RUBCN: variants seen among roughly 807,000 people sequenced by gnomAD.
RUBCN encodes the protein run domain Beclin-1-interacting and cysteine-rich domain-containing protein.
RUBCN carries 74 observed loss-of-function variants against 113.2 expected under a neutral mutation model. The observed-to-expected ratio is 0.65, with a 90% confidence interval of 0.54 to 0.79. The LOEUF (loss-of-function observed/expected upper bound fraction) is 0.79. RUBCN is among the 30% of genes least tolerant of loss of function. The pLI is 0.00. For missense variants in RUBCN, 1,109 were observed against 1,251.7 expected (o/e 0.89, Z 1.72); for synonymous variants, 480 against 490.0 (o/e 0.98, Z 0.27).
intron 2 of RUBCN, among the ~76,000 whole-genome samples, chr3:197,714,978 G>A (rs1343308081): frequency 6.6e-6 from 1 of 152,128 alleles, no homozygotes; most frequent in Non-Finnish European, 1.5e-5. Flanking sequence ...TGATTATAGA[G>A]TTTTTGAGGA....
intron 2 of RUBCN, among the ~76,000 whole-genome samples, chr3:197,707,426 G>GA (rs142893067): frequency 1.3e-5 from 2 of 151,492 alleles, no homozygotes; most frequent in East Asian, 1.9e-4. Context: ...TTTTGTTTGG[G>GA]AAAAAAAATG....
chr3:197,730,669 T>C (rs1222345284), intron 1 of RUBCN, among the ~76,000 whole-genome samples: 5 of 151,468 alleles, frequency 3.3e-5, no homozygotes, highest in African/African-American at 1.2e-4. Flanking sequence ...ACACCATTTA[T>C]TGATGATCAA....
chr3:197,701,018 C>T lies in RUBCN; in HGVS notation c.856G>A (p.Asp286Asn), dbSNP rs1723592898. ...ATTTCATTTGGGGTCAAAGGGGAAT[C>T]CCTGGCTAGTGCAGAGACTGAAACT... ...PPVSVSALAR[D>N]SPLTPNEMSS... The change falls in exon 7 of 20, where the codon GAT (aspartate) becomes AAT (asparagine). Residue 286 changes from aspartate to asparagine, a missense_variant. Physicochemically the swap from Asp to Asn is conservative, Grantham distance 23. This residue lies in a region of RUBCN where 736 missense variants were observed against 779.6 expected (regional missense o/e 0.94). Transcript: ENST00000296343. 6.2e-7 allele frequency: 1 copy of T among 1,614,060 alleles called. No individual in the cohort carries two copies. Among genetic ancestry groups the T allele is most frequent in the African/African-American group, 1.3e-5 (1 of 74,920 alleles).
chr3:197,725,933 C>A (rs1469688680), intron 1 of RUBCN, among the ~76,000 whole-genome samples: 1 of 152,158 alleles, frequency 6.6e-6, no homozygotes, highest in Non-Finnish European at 1.5e-5. Context: ...GACCTCATCA[C>A]ACACTATTAC....
At chr3:197,734,730 A>G (rs760123893) in intron 1 of RUBCN, among the ~76,000 whole-genome samples, 8 of 152,148 alleles carry the variant, frequency 5.3e-5, no homozygotes, top group Non-Finnish European at 8.8e-5. Flanking sequence ...CAATCCTAAA[A>G]CGTGTTTAGA....
chr3:197,701,275 A>G, intron 6 of RUBCN, 129 bp from the exon 7 acceptor site: 1 of 800,784 alleles, frequency 1.2e-6, no homozygotes, highest in Non-Finnish European at 1.9e-6. Context: ...GTACAAAATT[A>G]TTTAGAAGCA....
At chr3:197,739,664 A>G (rs553546720), upstream of RUBCN, among the ~76,000 whole-genome samples, 1 of 152,204 alleles carries the variant, frequency 6.6e-6, no homozygotes, top group South Asian at 2.1e-4. Flanking sequence ...ACGCCACTGC[A>G]CTCCAGCCTG....
chr3:197,676,754 C>T, intron 18 of RUBCN, 131 bp downstream of exon 18: 1 of 1,557,098 alleles, frequency 6.4e-7, no homozygotes. Context: ...CAGCCCTTTC[C>T]AGTTCCTCTC....
At chr3:197,737,316 GTGT>G (rs1159070029), upstream of RUBCN, 1 of 151,158 alleles carries the variant, frequency 6.6e-6, no homozygotes, top group African/African-American at 2.4e-5. Context: ...TCCGCTGGTG[GTGT>G]TTGGAGACCT....
At chr3:197,717,443 CAA>C (rs375835905) in intron 2 of RUBCN, among the ~76,000 whole-genome samples, 4 of 124,242 alleles carry the variant, frequency 3.2e-5, no homozygotes, top group African/African-American at 5.8e-5. Context: ...GACTCCGTCT[CAA>C]AAAAAAAAAG....
At chr3:197,707,598 C>T (rs1349838596) in intron 2 of RUBCN, among the ~76,000 whole-genome samples, 1 of 152,068 alleles carries the variant, frequency 6.6e-6, no homozygotes, top group African/African-American at 2.4e-5. Context: ...AAAAAGGAAA[C>T]TACAAATCCA....
At chr3:197,711,373 A>G (rs904594820) in intron 2 of RUBCN, among the ~76,000 whole-genome samples, 2 of 152,268 alleles carry the variant, frequency 1.3e-5, no homozygotes, top group Non-Finnish European at 2.9e-5. Context: ...GACAGCTGTA[A>G]GAAAGAATGA....
rs986541325 is a variant in RUBCN, at chr3:197,693,994, T to C, written c.1685-178A>G. 5.0e-6 allele frequency: 3 copies of C among 605,640 alleles called. No homozygotes were observed. The African/African-American group carries it at 5.6e-5, about 11-fold the overall frequency. The allele number at this position is 605,640 out of a possible 1,614,324, so 37.5% of individuals were successfully genotyped here. A position where few individuals can be genotyped will look rare whatever the true frequency, so the allele number is the denominator to read the frequency against. On this transcript the variant is annotated intron_variant, in intron 10 of 19. Coordinates refer to ENST00000296343, the MANE Select transcript of RUBCN (RefSeq NM_014687.4). ...ATCTGGGAAGCAAATCTGGGAGCAGTGTTCTTAGGTCTCCTCATATCAGGA... is the reference window on the plus strand; with the variant it reads ...ATCTGGGAAGCAAATCTGGGAGCAGCGTTCTTAGGTCTCCTCATATCAGGA...
At position 197,736,791 on chromosome 3, in the gene RUBCN, C is replaced by T. The variant is rs1034359004; in HGVS notation, c.-72G>A. ...GCTTCGCCCTTCAGGGCTCCCGGGG[C>T]CCCCTGGGGCCGGAGGAGGCACCTG... On this transcript the variant is annotated 5_prime_UTR_variant, in exon 1 of 20. Transcript: ENST00000296343. The T allele has an allele frequency of 2.0e-6, 3 of 1,483,662 alleles. No individual in the cohort carries two copies. The highest frequency in any genetic ancestry group is 1.5e-5 in the African/African-American group (1 of 68,278). 91.9% of individuals were successfully genotyped at this position (1,483,662 alleles called of 1,614,324 possible). A position where few individuals can be genotyped will look rare whatever the true frequency, so the allele number is the denominator to read the frequency against.
At chr3:197,682,332 G>GCC in intron 14 of RUBCN, 138 bp downstream of exon 14, 1 of 1,006,146 alleles carries the variant, frequency 9.9e-7, no homozygotes, top group Non-Finnish European at 1.5e-6. Flanking sequence ...AATGGACGAC[G>GCC]CCCCCCCTCT....
At chr3:197,727,096 T>C (rs1726848728) in intron 1 of RUBCN, among the ~76,000 whole-genome samples, 2 of 151,874 alleles carry the variant, frequency 1.3e-5, no homozygotes, top group African/African-American at 4.8e-5. Flanking sequence ...CCTGACACCA[T>C]GCCCAGCTAA....
rs1722706442 is a variant in RUBCN, at chr3:197,693,891, A to C, written c.1685-75T>G. ...CTTGTCCTTCCAGTGTCACAATATA[A>C]GGGATCTGATATGACCTCAACAGAG... On this transcript the variant is annotated intron_variant, in intron 10 of 19. Transcript: ENST00000296343. The C allele has an allele frequency of 8.1e-6, 8 of 984,092 alleles. No homozygotes were observed. The South Asian group carries it at 9.0e-5, about 11-fold the overall frequency. 61.0% of individuals were successfully genotyped at this position (984,092 alleles called of 1,614,324 possible). A position where few individuals can be genotyped will look rare whatever the true frequency, so the allele number is the denominator to read the frequency against.
chr3:197,669,632 C>G lies in RUBCN; in HGVS notation c.*5386G>C, dbSNP rs1488182792. 2.0e-5 allele frequency among the ~76,000 whole-genome samples: 3 copies of G among 152,148 alleles called. No homozygotes were observed. Among genetic ancestry groups the G allele is most frequent in the African/African-American group, 7.2e-5 (3 of 41,422 alleles). On this transcript the variant is annotated 3_prime_UTR_variant, in exon 20 of 20. Transcript: ENST00000296343. ...GTTAGCTCTCTCTACTCTAAAGTTG[C>G]TATTTTCCTCTTTCTATATCCTTTT...
rs758085778 is a variant in RUBCN, at chr3:197,683,443, G to A, written c.1848-4C>T. On this transcript the variant is annotated splice_region_variant and splice_polypyrimidine_tract_variant and intron_variant, in intron 12 of 19. Coordinates refer to ENST00000296343, the MANE Select transcript of RUBCN (RefSeq NM_014687.4). The surrounding 1 kb of genome is among the most constrained non-coding windows in gnomAD (Gnocchi z 4.6). ...GGAGTGCAGGAAGCAGTGGGAGCTGGAAAGGGGAGAATCAAGGACGGCTGA... is the reference window on the plus strand; with the variant it reads ...GGAGTGCAGGAAGCAGTGGGAGCTGAAAAGGGGAGAATCAAGGACGGCTGA... The A allele has an allele frequency of 6.8e-6, 11 of 1,613,992 alleles. No individual in the cohort carries two copies. The highest frequency in any genetic ancestry group is 9.3e-6 in the Non-Finnish European group (11 of 1,180,026).
Sources: gnomAD v4.1 joint callset for allele counts (sites outside exome capture counted in the v4.1 genomes callset) on GRCh38, gnomAD v4.1.1 for gene constraint, gnomAD v4.1.1 regional missense constraint, Gnocchi (gnomAD v3.1) non-coding constraint, MANE v1.5 for transcripts, NCBI Gene and HGNC (gene_info 2026-07-23, HGNC 2026-07-21) for gene names.